The following MGST2 variants were observed in gnomAD, a reference collection of about 807,000 sequenced individuals.
MGST2 encodes glutathione peroxidase MGST2.
MGST2 carries 9 observed loss-of-function variants against 16.6 expected under a neutral mutation model. That is an observed-to-expected ratio of 0.54 (90% CI 0.33 to 0.95). The LOEUF (loss-of-function observed/expected upper bound fraction) is 0.95. Among genes scored for constraint, MGST2 ranks in the 40% least tolerant of loss-of-function variants. MGST2 has a pLI of 0.03. For synonymous variants in MGST2, 79 were observed against 68.0 expected (o/e 1.16, Z -0.79); for missense variants, 159 against 175.1 (o/e 0.91, Z 0.52).
intron 5 of MGST2, among the ~76,000 whole-genome samples, chr4:139,716,595 G>A (rs1323272458): frequency 1.3e-5 from 2 of 152,084 alleles, no homozygotes; most frequent in African/African-American, 4.8e-5. Flanking sequence ...TGAATGCAAA[G>A]GCTGGGAATG....
chr4:139,733,720 C>T (rs867080927), intron 5 of MGST2, among the ~76,000 whole-genome samples: 4 of 152,164 alleles, frequency 2.6e-5, no homozygotes, highest in African/African-American at 7.2e-5. Context: ...GGTTTCACTC[C>T]GTTGCCCAGG....
exon 6 of MGST2, chr4:139,740,371 A>C (rs1729119879): frequency 6.6e-6 from 1 of 152,254 alleles, no homozygotes; most frequent in African/African-American, 2.4e-5. Context: ...AGACGAGCAC[A>C]GCCTCTGCCG....
chr4:139,674,157 C>T (rs2110804088), intron 1 of MGST2, among the ~76,000 whole-genome samples: 1 of 152,288 alleles, frequency 6.6e-6, no homozygotes, highest in East Asian at 1.9e-4. Context: ...CTCAGGGGCT[C>T]CTGACAACAT....
chr4:139,673,282 A>C (rs1730799514), intron 1 of MGST2, among the ~76,000 whole-genome samples: 1 of 152,194 alleles, frequency 6.6e-6, no homozygotes, highest in Non-Finnish European at 1.5e-5. Flanking sequence ...AGAAACAAAC[A>C]CAAGCACCAG....
intron 2 of MGST2, among the ~76,000 whole-genome samples, chr4:139,690,770 A>G (rs141440033): frequency 1.2e-4 from 19 of 152,212 alleles, no homozygotes; most frequent in African/African-American, 4.6e-4. Flanking sequence ...AATAACATAA[A>G]CTTTGTAGTA....
downstream of MGST2, among the ~76,000 whole-genome samples, chr4:139,705,360 A>T (rs1433391559): frequency 6.6e-6 from 1 of 152,210 alleles, no homozygotes; most frequent in African/African-American, 2.4e-5. Flanking sequence ...GGGCATGTCC[A>T]GTTATCTCTT....
At chr4:139,748,999 C>T in the MGST2 span, among the ~76,000 whole-genome samples, 1 of 152,150 alleles carries the variant, frequency 6.6e-6, no homozygotes. Context: ...CTTGAAGTTC[C>T]AGAGGGCACC....
the MGST2 span, among the ~76,000 whole-genome samples, chr4:139,746,779 G>C: frequency 6.6e-6 from 1 of 152,178 alleles, no homozygotes; most frequent in Non-Finnish European, 1.5e-5. Context: ...CCCACCAAAA[G>C]TAATGTGTCA....
chr4:139,671,803 G>A (rs1160510265), intron 1 of MGST2, among the ~76,000 whole-genome samples: 1 of 152,090 alleles, frequency 6.6e-6, no homozygotes, highest in African/African-American at 2.4e-5. Context: ...CACTGCACCT[G>A]GCTAATTTTT....
intron 2 of MGST2, among the ~76,000 whole-genome samples, chr4:139,689,106 C>CA (rs746270352): frequency 0.35 from 21,302 of 60,516 alleles, 2,850 homozygotes; most frequent in Non-Finnish European, 0.39. Context: ...GACGCCATCT[C>CA]AAAAAAAAAA....
chr4:139,735,590 C>T lies in MGST2; in HGVS notation c.*49-4622C>T, dbSNP rs994242186. Among the ~76,000 whole-genome samples, 4 of 152,148 alleles carry T rather than the reference C, an allele frequency of 2.6e-5. No individual in the cohort carries two copies. The highest frequency in any genetic ancestry group is 1.3e-4 in the Admixed American group (2 of 15,286). On this transcript the variant is annotated intron_variant, in intron 5 of 5. Coordinates refer to the MGST2 transcript ENST00000616265. This position sits in a 1 kb window ranked among gnomAD's most constrained non-coding sequence, Gnocchi z 5.8. ...GGGCGATAAGGAGCGAGCCTCGGGT[C>T]GGCCCGGCACCGCTGCTTCGGCTCA...
intron 2 of MGST2, among the ~76,000 whole-genome samples, chr4:139,685,841 T>A (rs1054612586): frequency 4.7e-4 from 71 of 152,156 alleles, no homozygotes; most frequent in African/African-American, 1.6e-3. Context: ...TTTTTGTATT[T>A]TTAGTAGAGA....
intron 5 of MGST2, among the ~76,000 whole-genome samples, chr4:139,732,661 A>G (rs1405046663): frequency 2.0e-5 from 3 of 151,560 alleles, no homozygotes; most frequent in East Asian, 3.9e-4. Flanking sequence ...TCCATAAGTT[A>G]TCGGGGTACA....
At chr4:139,683,596 A>G (rs1226251454) in intron 2 of MGST2, among the ~76,000 whole-genome samples, 1 of 152,080 alleles carries the variant, frequency 6.6e-6, no homozygotes, top group Non-Finnish European at 1.5e-5. Context: ...ACAAATCTGC[A>G]TTTTAGGAGA....
At position 139,678,799 on chromosome 4, in the gene MGST2, G is replaced by A. The variant is rs1047529980; in HGVS notation, c.158+157G>A. 18 of 696,560 alleles carry A rather than the reference G, an allele frequency of 2.6e-5. 1 individual carries two copies. Among genetic ancestry groups the A allele is most frequent in the South Asian group, 2.6e-4 (16 of 62,120 alleles). 43.1% of individuals were successfully genotyped at this position (696,560 alleles called of 1,614,324 possible). A position where few individuals can be genotyped will look rare whatever the true frequency, so the allele number is the denominator to read the frequency against. On this transcript the variant is annotated intron_variant, in intron 2 of 4. Coordinates refer to ENST00000265498, the MANE Select transcript of MGST2 (RefSeq NM_002413.5). ...CAGCCAAGACCGTTCTCAGAATCCA[G>A]AAAGTTTGAAGGGTTCGGGGCATGA...
chr4:139,710,955 G>C (rs1394102244), intron 5 of MGST2, among the ~76,000 whole-genome samples: 2 of 152,014 alleles, frequency 1.3e-5, no homozygotes, highest in African/African-American at 4.8e-5. Flanking sequence ...GAAAGAGAGT[G>C]GGGGTAACAG....
chr4:139,671,797 G>A (rs8192030), intron 1 of MGST2, among the ~76,000 whole-genome samples: 1 of 152,020 alleles, frequency 6.6e-6, no homozygotes, highest in African/African-American at 2.4e-5. Context: ...ACACGACACT[G>A]CACCTGGCTA....
At chr4:139,703,643 C>CA (rs1275226046) in intron 4 of MGST2, 107 bp downstream of exon 4, 1 of 1,034,934 alleles carries the variant, frequency 9.7e-7, no homozygotes, top group Non-Finnish European at 1.5e-6. Flanking sequence ...GTTGTGGTGG[C>CA]AAAAGTAATC....
intron 5 of MGST2, among the ~76,000 whole-genome samples, chr4:139,726,468 C>T (rs1180839154): frequency 6.6e-6 from 1 of 152,098 alleles, no homozygotes; most frequent in African/African-American, 2.4e-5. Flanking sequence ...ATGAGGAATG[C>T]GTGCTGAGGG....
Sources: allele counts gnomAD v4.1 joint callset (sites outside exome capture counted in the v4.1 genomes callset), GRCh38; gene constraint gnomAD v4.1.1; non-coding constraint Gnocchi (gnomAD v3.1); transcripts MANE v1.5; gene names NCBI Gene and HGNC (gene_info 2026-07-23, HGNC 2026-07-21).